The following RPS6KC1 variants were observed in gnomAD, a reference collection of about 807,000 sequenced individuals.
RPS6KC1 encodes the protein ribosomal protein S6 kinase C1.
In RPS6KC1, 54 loss-of-function variants were observed where a neutral mutation model predicts 103.8. The ratio of observed to expected loss-of-function variants is 0.52; its 90% confidence interval spans 0.42 to 0.65. The LOEUF is 0.65. Ranked by LOEUF, RPS6KC1 falls within the 30% of genes least tolerant of loss-of-function variation. The pLI is 0.00. For synonymous variants in RPS6KC1, 439 were observed against 438.7 expected (o/e 1.00, Z -0.01); for missense variants, 1,151 against 1,253.8 (o/e 0.92, Z 1.24).
chr1:213,497,376 G>GA, the RPS6KC1 span, among the ~76,000 whole-genome samples: 32,870 of 142,700 alleles, frequency 0.23, 4,287 homozygotes, highest in Middle Eastern at 0.33. Context: ...TTAACTTAAG[G>GA]AAAAAAAAAA....
At chr1:213,348,137 C>T in the RPS6KC1 span, among the ~76,000 whole-genome samples, 2 of 152,056 alleles carry the variant, frequency 1.3e-5, no homozygotes, top group African/African-American at 2.4e-5. Context: ...GAGAACCAAC[C>T]GGGGAGCTTG....
chr1:213,075,001 A>C (rs1201793617), intron 2 of RPS6KC1, among the ~76,000 whole-genome samples: 1 of 151,388 alleles, frequency 6.6e-6, no homozygotes, highest in Non-Finnish European at 1.5e-5. Context: ...TCAGGCACCC[A>C]CCACCACGTC....
the RPS6KC1 span, among the ~76,000 whole-genome samples, chr1:213,686,099 C>A: frequency 6.6e-6 from 1 of 152,140 alleles, no homozygotes; most frequent in Non-Finnish European, 1.5e-5. Flanking sequence ...GCCATAATTG[C>A]TCACTCCAGC....
chr1:213,126,514 G>A (rs1190698265), intron 5 of RPS6KC1, among the ~76,000 whole-genome samples: 1 of 152,076 alleles, frequency 6.6e-6, no homozygotes, highest in Non-Finnish European at 1.5e-5. Context: ...GAGCTTAGTG[G>A]CCAGTAACAT....
chr1:213,562,577 C>T, the RPS6KC1 span, among the ~76,000 whole-genome samples: 1 of 151,582 alleles, frequency 6.6e-6, no homozygotes, highest in South Asian at 2.1e-4. Flanking sequence ...TTTTTAGTTG[C>T]CAGGATGGTC....
chr1:213,721,338 C>T, the RPS6KC1 span, among the ~76,000 whole-genome samples: 1 of 152,110 alleles, frequency 6.6e-6, no homozygotes, highest in African/African-American at 2.4e-5. Flanking sequence ...TGGGAGGGAC[C>T]CAGTGGGAGA....
At chr1:213,423,404 C>T in the RPS6KC1 span, among the ~76,000 whole-genome samples, 1 of 152,146 alleles carries the variant, frequency 6.6e-6, no homozygotes, top group Non-Finnish European at 1.5e-5. Context: ...TTCAACCAGC[C>T]CCTAAGAAAC....
At chr1:213,191,479 G>C (rs1348251651) in intron 8 of RPS6KC1, among the ~76,000 whole-genome samples, 1 of 152,018 alleles carries the variant, frequency 6.6e-6, no homozygotes. Context: ...ATTTTTGTAT[G>C]TTGATTTTGT....
At chr1:213,484,967 A>G in the RPS6KC1 span, among the ~76,000 whole-genome samples, 9 of 152,140 alleles carry the variant, frequency 5.9e-5, no homozygotes, top group African/African-American at 9.7e-5. Context: ...GGCTTAAGTC[A>G]TCTTCCTATT....
At chr1:213,485,351 T>G in the RPS6KC1 span, among the ~76,000 whole-genome samples, 2 of 152,074 alleles carry the variant, frequency 1.3e-5, no homozygotes, top group African/African-American at 4.8e-5. Flanking sequence ...GAACAGTAAT[T>G]CTGTGGCACT....
chr1:213,320,273 C>T, the RPS6KC1 span, among the ~76,000 whole-genome samples: 468 of 152,344 alleles, frequency 3.1e-3, 12 homozygotes, highest in East Asian at 0.051. Flanking sequence ...GTGATTCAGT[C>T]AGGTATATTT....
the RPS6KC1 span, among the ~76,000 whole-genome samples, chr1:213,635,944 A>G: frequency 6.6e-6 from 1 of 152,246 alleles, no homozygotes; most frequent in Admixed American, 6.5e-5. Flanking sequence ...ATCAATGTGC[A>G]AAAATCACAA....
the RPS6KC1 span, among the ~76,000 whole-genome samples, chr1:213,751,859 A>G: frequency 1.3e-5 from 2 of 152,216 alleles, no homozygotes; most frequent in Admixed American, 1.3e-4. Flanking sequence ...GGTATTTACT[A>G]AATGCTCAAT....
At chr1:213,285,595 G>A in the RPS6KC1 span, among the ~76,000 whole-genome samples, 1 of 152,116 alleles carries the variant, frequency 6.6e-6, no homozygotes. Context: ...TTTTCTTAAT[G>A]GAGAAAGTAG....
chr1:213,716,524 T>A, the RPS6KC1 span, among the ~76,000 whole-genome samples: 1 of 152,322 alleles, frequency 6.6e-6, no homozygotes, highest in Admixed American at 6.5e-5. Context: ...CAGAATCTTA[T>A]TGCAAAATAC....
chr1:213,599,207 C>G, the RPS6KC1 span, among the ~76,000 whole-genome samples: 3 of 152,130 alleles, frequency 2.0e-5, no homozygotes, highest in Admixed American at 6.6e-5. Flanking sequence ...TTGTTATAAA[C>G]AGCTCTATTC....
At chr1:213,634,549 A>G in the RPS6KC1 span, among the ~76,000 whole-genome samples, 2 of 152,228 alleles carry the variant, frequency 1.3e-5, no homozygotes. Flanking sequence ...AAGACACAAC[A>G]TACCAGAATC....
intron 8 of RPS6KC1, among the ~76,000 whole-genome samples, chr1:213,226,874 C>T (rs1444167325): frequency 6.6e-6 from 1 of 152,140 alleles, no homozygotes; most frequent in Non-Finnish European, 1.5e-5. Context: ...CTTATTTACT[C>T]ACAATATTTC....
chr1:213,329,940 C>T, the RPS6KC1 span, among the ~76,000 whole-genome samples: 1 of 152,124 alleles, frequency 6.6e-6, no homozygotes, highest in African/African-American at 2.4e-5. Context: ...GGCACCCTCT[C>T]AAAGAAACCT....
Sources: allele counts gnomAD v4.1 joint callset (sites outside exome capture counted in the v4.1 genomes callset), GRCh38; gene constraint gnomAD v4.1.1; transcripts MANE v1.5; gene names NCBI Gene and HGNC (gene_info 2026-07-23, HGNC 2026-07-21).